Variants in KPNA4 observed in about 807,000 individuals in gnomAD.
The protein encoded by KPNA4 is importin subunit alpha-3.
A neutral mutation model predicts 71.3 loss-of-function variants in KPNA4; 13 were observed. That is an observed-to-expected ratio of 0.18 (90% CI 0.12 to 0.29). KPNA4 has a LOEUF of 0.29. KPNA4 is among the 10% of genes least tolerant of loss of function. The probability of loss-of-function intolerance (pLI) is 1.00; values close to 1 mark genes in which losing one functional copy is unlikely to be tolerated. For missense variants in KPNA4, 334 were observed against 603.2 expected (o/e 0.55, Z 4.67); for synonymous variants, 189 against 195.2 (o/e 0.97, Z 0.26).
At chr3:160,533,092 T>C (rs62272794) in intron 5 of KPNA4, among the ~76,000 whole-genome samples, 72,958 of 151,978 alleles carry the variant, frequency 0.48, 18,320 homozygotes, top group Non-Finnish European at 0.55. Context: ...GGTGCCACCT[T>C]GGCTCACTAC....
At chr3:160,503,110 C>CAAAAA (rs1720915854) in intron 16 of KPNA4, among the ~76,000 whole-genome samples, 1 of 151,014 alleles carries the variant, frequency 6.6e-6, no homozygotes. Flanking sequence ...AACTCTGTCT[C>CAAAAA]AAACAAAACA....
intron 1 of KPNA4, among the ~76,000 whole-genome samples, chr3:160,544,200 AC>A (rs1226894800): frequency 7.7e-6 from 1 of 129,702 alleles, no homozygotes; most frequent in Non-Finnish European, 1.9e-5. Flanking sequence ...AGAGACAATT[AC>A]CAAACTGTGT....
intron 1 of KPNA4, among the ~76,000 whole-genome samples, chr3:160,557,678 A>G (rs1722168592): frequency 2.0e-5 from 3 of 152,170 alleles, no homozygotes; most frequent in Non-Finnish European, 4.4e-5. Flanking sequence ...GCATTTAAAA[A>G]TTTCTATCTA....
In KPNA4 at chr3:160,509,883, C is replaced by A; in HGVS notation, c.1138-12G>T. The stretch of plus-strand genomic sequence containing the variant: ...GTGCCAAAATCCCCCTGTAAAAAGG[C>A]AAAACAAAGGCTATAAAAATTGCCA... On this transcript the variant is annotated splice_polypyrimidine_tract_variant and intron_variant, in intron 13 of 16. Coordinates refer to ENST00000334256, the MANE Select transcript of KPNA4 (RefSeq NM_002268.5). The A allele has an allele frequency of 6.3e-7, 1 of 1,597,934 alleles. No homozygotes were observed. Among genetic ancestry groups the A allele is most frequent in the Non-Finnish European group, 8.6e-7 (1 of 1,166,392 alleles).
intron 15 of KPNA4, among the ~76,000 whole-genome samples, chr3:160,506,165 T>C (rs1720978560): frequency 6.6e-6 from 1 of 151,808 alleles, no homozygotes. Context: ...CACTATATAC[T>C]TTATTTTATT....
chr3:160,538,228 TAAAA>T (rs891388457), intron 1 of KPNA4, among the ~76,000 whole-genome samples: 1 of 151,274 alleles, frequency 6.6e-6, no homozygotes, highest in Non-Finnish European at 1.5e-5. Flanking sequence ...TACATAAATG[TAAAA>T]AAAAGAGCTG....
At chr3:160,537,458 T>C (rs1721713062) in intron 1 of KPNA4, among the ~76,000 whole-genome samples, 1 of 151,882 alleles carries the variant, frequency 6.6e-6, no homozygotes, top group African/African-American at 2.4e-5. Flanking sequence ...ATGGCCATTC[T>C]TTTACTTTTA....
intron 15 of KPNA4, among the ~76,000 whole-genome samples, chr3:160,505,940 T>C (rs1449198477): frequency 6.6e-6 from 1 of 152,232 alleles, no homozygotes; most frequent in East Asian, 1.9e-4. Flanking sequence ...CAATTTGTTA[T>C]TTGCCTTCCT....
chr3:160,522,280 G>A (rs1721364386), intron 10 of KPNA4, among the ~76,000 whole-genome samples: 2 of 152,192 alleles, frequency 1.3e-5, no homozygotes, highest in South Asian at 2.1e-4. Flanking sequence ...AAGACTACAT[G>A]TATCCAACAT....
chr3:160,558,658 T>G (rs1722187980), intron 1 of KPNA4, among the ~76,000 whole-genome samples: 1 of 152,182 alleles, frequency 6.6e-6, no homozygotes, highest in African/African-American at 2.4e-5. Flanking sequence ...AGAGTGGCAC[T>G]CAAAGCATGG....
At chr3:160,534,109 G>A (rs192510728) in intron 5 of KPNA4, among the ~76,000 whole-genome samples, 74 of 152,224 alleles carry the variant, frequency 4.9e-4, no homozygotes, top group Middle Eastern at 3.4e-3. Context: ...AGTTATTTAA[G>A]GTGAATAAAC....
At chr3:160,514,423 C>T (rs1174640703) in intron 12 of KPNA4, among the ~76,000 whole-genome samples, 2 of 152,148 alleles carry the variant, frequency 1.3e-5, no homozygotes, top group Non-Finnish European at 2.9e-5. Context: ...AAACAATGCT[C>T]CCAAACAGTG....
chr3:160,509,778 A>T (rs1052673826), intron 14 of KPNA4, 22 bp downstream of exon 14: 2 of 1,436,088 alleles, frequency 1.4e-6, no homozygotes, highest in African/African-American at 2.8e-5. Context: ...TTGAGAAATA[A>T]ATTTTAAAAA....
At position 160,538,160 on chromosome 3, in the gene KPNA4, T is replaced by A. The variant is rs549956405; in HGVS notation, c.70-1320A>T. ...ATGTATATATGTATATATATGTATA[T>A]ATGTGTGTATATATGTACATATATA... is the stretch of plus-strand genomic sequence containing the variant. On this transcript the variant is annotated intron_variant, in intron 1 of 16. Coordinates refer to ENST00000334256, the MANE Select transcript of KPNA4 (RefSeq NM_002268.5). 4.7e-5 allele frequency among the ~76,000 whole-genome samples: 7 copies of A among 150,208 alleles called. No homozygotes were observed. The South Asian group carries it at 1.5e-3, about 31-fold the overall frequency.
intron 13 of KPNA4, among the ~76,000 whole-genome samples, chr3:160,510,776 C>T (rs529533825): frequency 6.7e-6 from 1 of 149,018 alleles, no homozygotes; most frequent in South Asian, 2.1e-4. Flanking sequence ...GCAAAAACAT[C>T]AAAAAAAAAC....
At chr3:160,522,815 T>A (rs1721380490) in intron 10 of KPNA4, among the ~76,000 whole-genome samples, 1 of 150,820 alleles carries the variant, frequency 6.6e-6, no homozygotes, top group Non-Finnish European at 1.5e-5. Flanking sequence ...ATTAAAATAA[T>A]CATAGGTCAA....
At chr3:160,538,007 A>C (rs762087629) in intron 1 of KPNA4, among the ~76,000 whole-genome samples, 15 of 152,026 alleles carry the variant, frequency 9.9e-5, no homozygotes, top group Non-Finnish European at 2.2e-4. Context: ...TAATCCTCAT[A>C]GGAAGTCTTA....
At chr3:160,547,766 T>TA (rs1013342293) in intron 1 of KPNA4, among the ~76,000 whole-genome samples, 22 of 152,248 alleles carry the variant, frequency 1.4e-4, no homozygotes, top group Admixed American at 6.5e-4. Context: ...TTTTACTGTC[T>TA]CTATAGTTTT....
chr3:160,500,066 T>A lies in KPNA4; in HGVS notation c.*2038A>T, dbSNP rs553635585. ...GAACCAAAGAAATTTCTTATTATGC[T>A]GGTTCTAGGTAAAAAGACAGGAAGC... On this transcript the variant is annotated 3_prime_UTR_variant, in exon 17 of 17. Coordinates refer to ENST00000334256, the MANE Select transcript of KPNA4 (RefSeq NM_002268.5). 5.9e-5 allele frequency: 9 copies of A among 152,064 alleles called. No homozygotes were observed. Among genetic ancestry groups the A allele is most frequent in the African/African-American group, 2.2e-4 (9 of 41,506 alleles). 9.4% of individuals were successfully genotyped at this position (152,064 alleles called of 1,614,324 possible).
Sources: allele counts gnomAD v4.1 joint callset (sites outside exome capture counted in the v4.1 genomes callset), GRCh38; gene constraint gnomAD v4.1.1; transcripts MANE v1.5; gene names NCBI Gene and HGNC (gene_info 2026-07-23, HGNC 2026-07-21).